Variants in MRPL19 observed in about 807,000 individuals in gnomAD.
MRPL19 encodes the protein large ribosomal subunit protein bL19m.
Under a neutral mutation model 34.0 loss-of-function variants are expected in MRPL19, and 31 were observed. The ratio of observed to expected loss-of-function variants is 0.91; its 90% confidence interval spans 0.68 to 1.23. The LOEUF (loss-of-function observed/expected upper bound fraction) is 1.23, where lower values mean the gene tolerates loss of function less well. Ranked by LOEUF, MRPL19 falls within the 50% of genes most tolerant of loss-of-function variation. The pLI is 0.00. For synonymous variants in MRPL19, 152 were observed against 127.7 expected, an observed-to-expected ratio of 1.19 and a Z score of -1.28; for missense variants, 384 against 367.6, an observed-to-expected ratio of 1.04 and a Z score of -0.37.
At chr2:75,647,036 T>C (rs1678237287) in intron 1 of MRPL19, 66 bp from the exon 2 acceptor site, 5 of 1,499,956 alleles carry the variant, frequency 3.3e-6, no homozygotes, top group African/African-American at 2.8e-5. Context: ...TTGGGGGAGA[T>C]TGCGGGGCTC....
chr2:75,647,160 C>T lies in MRPL19; in HGVS notation c.162C>T (p.Phe54=). The T allele has an allele frequency of 6.3e-7, 1 of 1,577,030 alleles. No homozygotes were observed. The highest frequency in any genetic ancestry group is 1.2e-5 in the South Asian group (1 of 86,170). ...QSTGPSEPGA[F]QPPPKPVIVD... is the part of the protein sequence containing the mutation. Reference sequence around the variant, plus strand: ...CTGGGCCTTCCGAGCCCGGTGCGTTCCAACCGCCGCCGAAACCGGTCATCG... The same window carrying T: ...CTGGGCCTTCCGAGCCCGGTGCGTTTCAACCGCCGCCGAAACCGGTCATCG... The change falls in exon 2 of 6, where the codon TTC becomes TTT. Residue 54 remains phenylalanine, a synonymous_variant. Coordinates refer to ENST00000393909, the MANE Select transcript of MRPL19 (RefSeq NM_014763.4).
chr2:75,661,834 A>C lies in MRPL19; in HGVS notation c.*6549A>C, dbSNP rs1678628907. 1 of 152,146 alleles carries C rather than the reference A, an allele frequency of 6.6e-6. No individual in the cohort carries two copies. Among genetic ancestry groups the C allele is most frequent in the Admixed American group, 6.5e-5 (1 of 15,272 alleles). 9.4% of individuals were successfully genotyped at this position (152,146 alleles called of 1,614,324 possible). ...ATGACTATCTTAACTCTTGTGTTTC[A>C]ATGTTTATGCCTTCTTTTATCTTGA... On this transcript the variant is annotated 3_prime_UTR_variant, in exon 6 of 6. Coordinates refer to ENST00000393909, the MANE Select transcript of MRPL19 (RefSeq NM_014763.4).
At position 75,647,201 on chromosome 2, in the gene MRPL19, C is replaced by G; in HGVS notation, c.203C>G (p.Pro68Arg). ...CCGGTCATCGTGGACAAGCACCGCCCCGTGGAACCGGAACGCAGGTGAGGC... is the reference window on the plus strand; with the variant it reads ...CCGGTCATCGTGGACAAGCACCGCCGCGTGGAACCGGAACGCAGGTGAGGC... ...PKPVIVDKHR[P>R]VEPERRFLSP... Residue 68 changes from proline (P) to arginine (R), a missense_variant, in exon 2 of 6, where the codon CCC (proline) becomes CGC (arginine). Transcript: ENST00000393909. 1 of 1,580,338 alleles carries G rather than the reference C, an allele frequency of 6.3e-7. No individual in the cohort carries two copies. Among genetic ancestry groups the G allele is most frequent in the Non-Finnish European group, 8.6e-7 (1 of 1,162,768 alleles).
chr2:75,657,483 T>A lies in MRPL19; in HGVS notation c.*2198T>A, dbSNP rs1573030435. 6.6e-6 allele frequency: 1 copy of A among 152,304 alleles called. No individual in the cohort carries two copies. The highest frequency in any genetic ancestry group is 2.1e-4 in the South Asian group (1 of 4,832). 9.4% of individuals were successfully genotyped at this position (152,304 alleles called of 1,614,324 possible). A position where few individuals can be genotyped will look rare whatever the true frequency, so the allele number is the denominator to read the frequency against. ...TCATCTAACTACTGTCAACAAGTAA[T>A]AGATATCCTATCCTTCACTTGTTTA... is the stretch of plus-strand genomic sequence containing the variant. On this transcript the variant is annotated 3_prime_UTR_variant, in exon 6 of 6. Transcript: ENST00000393909.
At position 75,655,086 on chromosome 2, in the gene MRPL19, A is replaced by T. The variant is rs186329774; in HGVS notation, c.680A>T (p.Lys227Met). ...VNELKVKMKPKPWSKRWERPN... is the reference protein window; with the variant it reads ...VNELKVKMKPMPWSKRWERPN... Reference sequence around the variant, plus strand: ...TAGCTGAAAGTAAAAATGAAGCCTAAGCCCTGGTCTAAACGCTGGGAACGT... The same window carrying T: ...TAGCTGAAAGTAAAAATGAAGCCTATGCCCTGGTCTAAACGCTGGGAACGT... Residue 227 changes from lysine (K) to methionine (M), a missense_variant, in exon 6 of 6, where the codon AAG becomes ATG. Lys to Met is a moderately conservative substitution (Grantham distance 95). Coordinates refer to ENST00000393909, the MANE Select transcript of MRPL19 (RefSeq NM_014763.4). 2.3e-5 allele frequency: 37 copies of T among 1,598,928 alleles called. No homozygotes were observed. In the East Asian group the frequency reaches 8.1e-4, roughly 35 times the overall value.
rs552283917 is a variant in MRPL19 at position 75,658,742 on chromosome 2, T to G, written c.*3457T>G. ...GATAGATGGTCTGTCCTGGAGAATG[T>G]TCCTCATACACTTGAGCAAAATATT... On this transcript the variant is annotated 3_prime_UTR_variant, in exon 6 of 6. Transcript: ENST00000393909. Among the ~76,000 whole-genome samples the G allele has an allele frequency of 1.6e-4, 24 of 152,266 alleles. No homozygotes were observed. Among genetic ancestry groups the G allele is most frequent in the African/African-American group, 5.8e-4 (24 of 41,554 alleles).
chr2:75,647,179 G>T lies in MRPL19; in HGVS notation c.181G>T (p.Val61Phe). The change falls in exon 2 of 6, where the codon GTC becomes TTC. Residue 61 changes from valine (V) to phenylalanine (F), a missense_variant. Coordinates refer to ENST00000393909, the MANE Select transcript of MRPL19 (RefSeq NM_014763.4). ...TGCGTTCCAACCGCCGCCGAAACCG[G>T]TCATCGTGGACAAGCACCGCCCCGT... ...PGAFQPPPKP[V>F]IVDKHRPVEP... The T allele has an allele frequency of 6.3e-7, 1 of 1,581,000 alleles. No homozygotes were observed. Among genetic ancestry groups the T allele is most frequent in the Non-Finnish European group, 8.6e-7 (1 of 1,163,054 alleles).
At position 75,655,273 on chromosome 2, in the gene MRPL19, G is replaced by C; in HGVS notation, c.867G>C (p.Ser289=). 6.2e-7 allele frequency: 1 copy of C among 1,611,676 alleles called. No homozygotes were observed. Residue 289 remains serine, a synonymous_variant, in exon 6 of 6, where the codon TCG becomes TCC. Coordinates refer to ENST00000393909, the MANE Select transcript of MRPL19 (RefSeq NM_014763.4). Reference sequence around the variant, plus strand: ...CAATATGGAAGGAAATTGAAGCGTCGAAAAGGTCTTGATTCTGAGAATGAA... The same window carrying C: ...CAATATGGAAGGAAATTGAAGCGTCCAAAAGGTCTTGATTCTGAGAATGAA... The part of the protein sequence containing the change: ...EAAIWKEIEA[S]KRS
intron 2 of MRPL19, 31 bp downstream of exon 2, chr2:75,647,250 A>G (rs1384270966): frequency 1.9e-6 from 3 of 1,552,270 alleles, no homozygotes; most frequent in Non-Finnish European, 2.6e-6. Context: ...TAGGCCGGCA[A>G]CTGGGGTCGG....
chr2:75,656,766 T>G lies in MRPL19; in HGVS notation c.*1481T>G, dbSNP rs998081333. On this transcript the variant is annotated 3_prime_UTR_variant, in exon 6 of 6. Coordinates refer to ENST00000393909, the MANE Select transcript of MRPL19 (RefSeq NM_014763.4). ...TTTATCCATTGTATTGGGTTTTAGG[T>G]GAACCCTTCCAGATAGTAACTCATT... 5 of 152,158 alleles carry G rather than the reference T, an allele frequency of 3.3e-5. No individual in the cohort carries two copies. Among genetic ancestry groups the G allele is most frequent in the Non-Finnish European group, 7.3e-5 (5 of 68,028 alleles). The allele number at this position is 152,158 out of a possible 1,614,324, so 9.4% of individuals were successfully genotyped here. A position where few individuals can be genotyped will look rare whatever the true frequency, so the allele number is the denominator to read the frequency against.
rs113321698 is a variant in MRPL19, at chr2:75,661,903, T to C, written c.*6618T>C. ...CTTCTAGAACAATGTTGAACAGAAA[T>C]GGTGAGAGCAGACATCCTTGCTTTA... On this transcript the variant is annotated 3_prime_UTR_variant, in exon 6 of 6. Transcript: ENST00000393909. 2.5e-3 allele frequency: 374 copies of C among 152,338 alleles called. 2 individuals carry two copies. The highest frequency in any genetic ancestry group is 8.6e-3 in the African/African-American group (356 of 41,582). 9.4% of individuals were successfully genotyped at this position (152,338 alleles called of 1,614,324 possible).
Position 75,655,394 on chromosome 2 carries a change from GCATT to G in MRPL19, c.*114_*117del, listed in dbSNP as rs1678426727. On this transcript the variant is annotated 3_prime_UTR_variant, in exon 6 of 6. Coordinates refer to ENST00000393909, the MANE Select transcript of MRPL19 (RefSeq NM_014763.4). ...AGAACATAGTAATTAAGTGAACTAA[GCATT>G]CATTGTTTTATTAATACTTTTTTTC... 2 of 760,426 alleles carry G rather than the reference GCATT, an allele frequency of 2.6e-6. No homozygotes were observed. Among genetic ancestry groups the G allele is most frequent in the Non-Finnish European group, 4.1e-6 (2 of 485,430 alleles). 47.1% of individuals were successfully genotyped at this position (760,426 alleles called of 1,614,324 possible). A position where few individuals can be genotyped will look rare whatever the true frequency, so the allele number is the denominator to read the frequency against.
rs1178139246 is a variant in MRPL19, at chr2:75,658,081, CTTTT to C, written c.*2798_*2801del. ...CAACCCCAGGTAACCTCAAATCTTTCTTTTTATCTTTGAGACAAGGTCTCATTCT... is the reference window on the plus strand; with the variant it reads ...CAACCCCAGGTAACCTCAAATCTTTCTATCTTTGAGACAAGGTCTCATTCT... On this transcript the variant is annotated 3_prime_UTR_variant, in exon 6 of 6. Transcript: ENST00000393909. Among the ~76,000 whole-genome samples, 112 of 152,156 alleles carry C rather than the reference CTTTT, an allele frequency of 7.4e-4. No homozygotes were observed. Among genetic ancestry groups the C allele is most frequent in the African/African-American group, 2.5e-3 (102 of 41,546 alleles).
Position 75,654,227 on chromosome 2 carries a change from A to C in MRPL19, c.476-509A>C, listed in dbSNP as rs76840351. On this transcript the variant is annotated intron_variant, in intron 4 of 5. Transcript: ENST00000393909. ...GAAGGGCCAAGCACTGTGCCCTCACATGGTGAAAGGTGGAAGGGCAAAAGG... is the reference window on the plus strand; with the variant it reads ...GAAGGGCCAAGCACTGTGCCCTCACCTGGTGAAAGGTGGAAGGGCAAAAGG... 1.2e-4 allele frequency among the ~76,000 whole-genome samples: 19 copies of C among 152,272 alleles called. No homozygotes were observed. The East Asian group carries it at 3.7e-3, about 29-fold the overall frequency.
In MRPL19 at chr2:75,659,381, T is replaced by C. The variant is rs1678547869; in HGVS notation, c.*4096T>C. Among the ~76,000 whole-genome samples the C allele has an allele frequency of 1.3e-5, 2 of 152,154 alleles. No homozygotes were observed. Among genetic ancestry groups the C allele is most frequent in the Admixed American group, 1.3e-4 (2 of 15,274 alleles). ...TTGTATGAGTTTGTCTTTTAAATCA[T>C]TTAGGAAATAAAAAGTGGAGTTAGA... On this transcript the variant is annotated 3_prime_UTR_variant, in exon 6 of 6. Transcript: ENST00000393909.
At chr2:75,653,416 G>C (rs1054599197) in intron 4 of MRPL19, among the ~76,000 whole-genome samples, 1 of 152,204 alleles carries the variant, frequency 6.6e-6, no homozygotes, top group Non-Finnish European at 1.5e-5. Context: ...AATGAGCATA[G>C]GAGTGAGTCA....
At position 75,662,001 on chromosome 2, in the gene MRPL19, A is replaced by T. The variant is rs1280175700; in HGVS notation, c.*6716A>T. ...TGCCTTTTATCAGATTGAGGAATTT[A>T]TATTCCTACTTTGCCGAAAGGTTTT... On this transcript the variant is annotated 3_prime_UTR_variant, in exon 6 of 6. Coordinates refer to ENST00000393909, the MANE Select transcript of MRPL19 (RefSeq NM_014763.4). The T allele has an allele frequency of 6.6e-6, 1 of 152,180 alleles. No individual in the cohort carries two copies. Among genetic ancestry groups the T allele is most frequent in the Non-Finnish European group, 1.5e-5 (1 of 68,020 alleles). The allele number at this position is 152,180 out of a possible 1,614,324, so 9.4% of individuals were successfully genotyped here. A position where few individuals can be genotyped will look rare whatever the true frequency, so the allele number is the denominator to read the frequency against.
chr2:75,649,861 G>A (rs1057098917), intron 2 of MRPL19, among the ~76,000 whole-genome samples: 7 of 152,034 alleles, frequency 4.6e-5, no homozygotes, highest in Non-Finnish European at 7.4e-5. Context: ...TGGAACTCCT[G>A]GGCTCAAACG....
In MRPL19 at chr2:75,656,150, C is replaced by T. The variant is rs10165899; in HGVS notation, c.*865C>T. ...AGGAAGTAAACTGTTTTTTGATGCT[C>T]ACAGCATGATGAATCAAACTCTGTA... On this transcript the variant is annotated 3_prime_UTR_variant, in exon 6 of 6. Transcript: ENST00000393909. The T allele has an allele frequency of 0.22, 32,779 of 152,082 alleles. 3,882 individuals are homozygous for T. Among genetic ancestry groups the T allele is most frequent in the South Asian group, 0.27 (1,319 of 4,816 alleles). 9.4% of individuals were successfully genotyped at this position (152,082 alleles called of 1,614,324 possible). A position where few individuals can be genotyped will look rare whatever the true frequency, so the allele number is the denominator to read the frequency against.
Sources: allele counts gnomAD v4.1 joint callset (sites outside exome capture counted in the v4.1 genomes callset), GRCh38; gene constraint gnomAD v4.1.1; transcripts MANE v1.5; gene names NCBI Gene and HGNC (gene_info 2026-07-23, HGNC 2026-07-21).